ZNF318: variants seen among roughly 807,000 people sequenced by gnomAD.
The protein encoded by ZNF318 is endocrine regulator.
A neutral mutation model predicts 124.2 loss-of-function variants in ZNF318; 51 were observed. That is an observed-to-expected ratio of 0.41 (90% confidence interval 0.33 to 0.52). The LOEUF is 0.52. Ranked by LOEUF, ZNF318 falls within the 20% of genes least tolerant of loss-of-function variation. The pLI, the probability that ZNF318 is intolerant of heterozygous loss-of-function variation, is 0.23. For synonymous variants in ZNF318, 1,090 were observed against 1,040.7 expected (o/e 1.05, Z -0.91); for missense variants, 2,815 against 2,811.2 (o/e 1.00, Z -0.03).
At chr6:43,365,241 T>C (rs1779742995) in intron 2 of ZNF318, 51 bp downstream of exon 2, 2 of 1,565,372 alleles carry the variant, frequency 1.3e-6, no homozygotes, top group African/African-American at 2.7e-5. Context: ...AACAGCAACA[T>C]TTCTGCCTTC....
At position 43,338,651 on chromosome 6, in the gene ZNF318, C is replaced by G; in HGVS notation, c.5347G>C (p.Glu1783Gln). The G allele has an allele frequency of 6.2e-7, 1 of 1,614,160 alleles. No homozygotes were observed. The highest frequency in any genetic ancestry group is 8.5e-7 in the Non-Finnish European group (1 of 1,180,030). ...CCCTCAGACAGCTCCTTTACCCTTT[C>G]TTTTAGTTCAGTGTTTGTCTCTATC... ...SEIETNTELKERVKELSEGIV... is the reference protein window; with the variant it reads ...SEIETNTELKQRVKELSEGIV... The change falls in exon 10 of 10, where the codon GAA becomes CAA. Residue 1783 changes from glutamate to glutamine, a missense_variant. Glu to Gln is a conservative substitution (Grantham distance 29, BLOSUM62 2). Transcript: ENST00000361428.
Position 43,357,049 on chromosome 6 carries a change from T to C in ZNF318, c.1188+77A>G, listed in dbSNP as rs73440349. 1.4e-4 allele frequency: 210 copies of C among 1,475,392 alleles called. 2 individuals carry two copies. In the African/African-American group the frequency reaches 2.5e-3, roughly 17 times the overall value. The allele number at this position is 1,475,392 out of a possible 1,614,324, so 91.4% of individuals were successfully genotyped here. A position where few individuals can be genotyped will look rare whatever the true frequency, so the allele number is the denominator to read the frequency against. On this transcript the variant is annotated intron_variant, in intron 3 of 9. Transcript: ENST00000361428. ...TATTACAAAGATACCATTAGGAACA[T>C]AGCCCACAGGAAAGTAAGCAGGCTT... is the stretch of plus-strand genomic sequence containing the variant.
rs1779278938 is a variant in ZNF318 at position 43,336,319 on chromosome 6, AAAC to A, written c.*836_*838del. 6.5e-6 allele frequency: 1 copy of A among 152,760 alleles called. No homozygotes were observed. Among genetic ancestry groups the A allele is most frequent in the African/African-American group, 2.4e-5 (1 of 41,586 alleles). 9.5% of individuals were successfully genotyped at this position (152,760 alleles called of 1,614,324 possible). Reference sequence around the variant, plus strand: ...CCCCTTCACAACACAAATGGCTGCTAAACAATTTAATACAAAGTGTTATTGGAT... The same window carrying A: ...CCCCTTCACAACACAAATGGCTGCTAAATTTAATACAAAGTGTTATTGGAT... On this transcript the variant is annotated 3_prime_UTR_variant, in exon 10 of 10. Transcript: ENST00000361428.
intron 2 of ZNF318, chr6:43,363,867 C>A: frequency 1.3e-6 from 1 of 777,684 alleles, no homozygotes; most frequent in Non-Finnish European, 2.2e-6. Flanking sequence ...CCACTGCCAC[C>A]TGCGGGGCCA....
At chr6:43,342,616 G>T in intron 7 of ZNF318, 60 bp downstream of exon 7, 3 of 1,537,820 alleles carry the variant, frequency 2.0e-6, no homozygotes, top group Non-Finnish European at 1.8e-6. Context: ...GCAGATAGGG[G>T]TATAGAAGTT....
intron 2 of ZNF318, among the ~76,000 whole-genome samples, chr6:43,358,406 C>A (rs1365232576): frequency 4.4e-5 from 6 of 135,678 alleles, no homozygotes; most frequent in Admixed American, 3.2e-4. Flanking sequence ...AGCCATCACA[C>A]CCGGCTAATT....
intron 2 of ZNF318, among the ~76,000 whole-genome samples, chr6:43,362,361 G>A (rs1254599784): frequency 1.3e-5 from 2 of 151,808 alleles, no homozygotes; most frequent in African/African-American, 4.8e-5. Flanking sequence ...GCTGAGGCAG[G>A]AGAATTGCTA....
rs924855105 is a variant in ZNF318, at chr6:43,342,764, G to C, written c.3188C>G (p.Ala1063Gly). ...GCAGTCTTTGCACCAGTGATTGCCA[G>C]CATCATAATACTCATAAGCAGCAGT... is the stretch of plus-strand genomic sequence containing the variant. ...QPTAAYEYYD[A>G]GNHWCKDCNT... Residue 1063 changes from alanine to glycine, a missense_variant, in exon 7 of 10, where the codon GCT (alanine) becomes GGT (glycine). Ala to Gly is a moderately conservative substitution (Grantham distance 60, BLOSUM62 0). Transcript: ENST00000361428. The C allele has an allele frequency of 1.9e-6, 3 of 1,614,108 alleles. No homozygotes were observed. The African/African-American group carries it at 4.0e-5, about 22-fold the overall frequency.
chr6:43,365,786 A>G (rs1779752886), intron 1 of ZNF318, among the ~76,000 whole-genome samples: 1 of 152,220 alleles, frequency 6.6e-6, no homozygotes, highest in African/African-American at 2.4e-5. Flanking sequence ...TTGTCTCAAA[A>G]ACAAAAGACA....
rs1415827472 is a variant in ZNF318 at position 43,348,632 on chromosome 6, A to G, written c.2771-7T>C. The G allele has an allele frequency of 1.0e-5, 16 of 1,606,376 alleles. No individual in the cohort carries two copies. In the Admixed American group the frequency reaches 2.1e-4, roughly 21 times the overall value. On this transcript the variant is annotated splice_region_variant and splice_polypyrimidine_tract_variant and intron_variant, in intron 5 of 9. Transcript: ENST00000361428. ...TTCTTGCGCAGCATTTCTCCTGAGC[A>G]ATCAAATGTCAACAAAAAGAAGCAC...
At chr6:43,360,068 CAT>C (rs1401819289) in intron 2 of ZNF318, among the ~76,000 whole-genome samples, 1 of 152,052 alleles carries the variant, frequency 6.6e-6, no homozygotes, top group African/African-American at 2.4e-5. Flanking sequence ...GGAGAAAAAA[CAT>C]AGGCTCCATG....
At chr6:43,364,094 G>C in intron 2 of ZNF318, 1 of 1,156,330 alleles carries the variant, frequency 8.6e-7, no homozygotes, top group Non-Finnish European at 1.3e-6. Context: ...CTCAGCCAGG[G>C]GCTGCACTGC....
rs760912974 is a variant in ZNF318 at position 43,355,624 on chromosome 6, C to A, written c.1710G>T (p.Leu570=). Residue 570 remains leucine, a synonymous_variant, in exon 4 of 10, where the codon CTG becomes CTT. Transcript: ENST00000361428. ...SEVMRQKASS[L]PSSAPAVKLE... is the part of the protein sequence containing the mutation. Reference sequence around the variant, plus strand: ...GCTTTACAGCTGGAGCTGAAGACGGCAGGGAGCTTGCCTTCTGCCTCATAA... The same window carrying A: ...GCTTTACAGCTGGAGCTGAAGACGGAAGGGAGCTTGCCTTCTGCCTCATAA... The A allele has an allele frequency of 4.3e-6, 7 of 1,614,220 alleles. No individual in the cohort carries two copies. Among genetic ancestry groups the A allele is most frequent in the Non-Finnish European group, 5.9e-6 (7 of 1,180,038 alleles).
rs557312895 is a variant in ZNF318 at position 43,337,847 on chromosome 6, G to A, written c.6151C>T (p.Pro2051Ser). 2 of 1,614,078 alleles carry A rather than the reference G, an allele frequency of 1.2e-6. No homozygotes were observed. Among genetic ancestry groups the A allele is most frequent in the South Asian group, 1.1e-5 (1 of 91,086 alleles). Residue 2051 changes from proline to serine, a missense_variant, in exon 10 of 10, where the codon CCT (proline) becomes TCT (serine). Physicochemically the swap from Pro to Ser is moderately conservative, Grantham distance 74. This residue lies in a region of ZNF318 where 927 missense variants were observed against 820.6 expected (regional missense o/e 1.13). Transcript: ENST00000361428. ...GGATCGGAGGAATTACACCCTATAG[G>A]TGATACAGAATTTTCTTCACACACT... ...QKVCEENSVS[P>S]IGCNSSDPAD...
At position 43,339,617 on chromosome 6, in the gene ZNF318, G is replaced by T. The variant is rs772558865; in HGVS notation, c.4381C>A (p.Pro1461Thr). ...GCTTGAGCAGCAGACGGGGCAGCTGGATGAGGTATAACGGGGGGTGGTGGA... is the reference window on the plus strand; with the variant it reads ...GCTTGAGCAGCAGACGGGGCAGCTGTATGAGGTATAACGGGGGGTGGTGGA... ...PPPPPPVIPH[P>T]AAPSAAQANA... is the part of the protein sequence containing the mutation. The change falls in exon 10 of 10, where the codon CCA becomes ACA. Residue 1461 changes from proline (P) to threonine (T), a missense_variant. Pro to Thr is a conservative substitution (Grantham distance 38). Transcript: ENST00000361428. The surrounding 1 kb of genome is among the most constrained non-coding windows in gnomAD (Gnocchi z 4.2). The T allele has an allele frequency of 7.2e-7, 1 of 1,381,590 alleles. No individual in the cohort carries two copies. The highest frequency in any genetic ancestry group is 1.5e-5 in the African/African-American group (1 of 65,876). The allele number at this position is 1,381,590 out of a possible 1,614,324, so 85.6% of individuals were successfully genotyped here. A position where few individuals can be genotyped will look rare whatever the true frequency, so the allele number is the denominator to read the frequency against.
rs767801219 is a variant in ZNF318 at position 43,355,214 on chromosome 6, T to C, written c.2120A>G (p.Lys707Arg). ...AGACTTTAGGAATGGAGGGCTGTTT[T>C]TTGTGAGCAGGTAAGGATCCACAGG... ...PSPVDPYLLT[K>R]NSPPFLKSDH... The change falls in exon 4 of 10, where the codon AAA (lysine) becomes AGA (arginine). Residue 707 changes from lysine to arginine, a missense_variant. Transcript: ENST00000361428. 3 of 1,614,066 alleles carry C rather than the reference T, an allele frequency of 1.9e-6. No individual in the cohort carries two copies. Among genetic ancestry groups the C allele is most frequent in the Non-Finnish European group, 2.5e-6 (3 of 1,180,050 alleles).
chr6:43,354,430 T>TA (rs962003967), intron 4 of ZNF318, among the ~76,000 whole-genome samples: 37 of 152,296 alleles, frequency 2.4e-4, no homozygotes, highest in Non-Finnish European at 4.6e-4. Flanking sequence ...GAATTAAACT[T>TA]AAAAAAGGCT....
intron 4 of ZNF318, among the ~76,000 whole-genome samples, chr6:43,353,384 T>A (rs1779561039): frequency 6.6e-6 from 1 of 151,576 alleles, no homozygotes; most frequent in Admixed American, 6.6e-5. Flanking sequence ...AACTTTTTTT[T>A]TTTTTTTTGA....
intron 7 of ZNF318, 64 bp downstream of exon 7, chr6:43,342,612 A>AG: frequency 6.6e-7 from 1 of 1,516,874 alleles, no homozygotes; most frequent in South Asian, 1.1e-5. Flanking sequence ...CAATGCAGAT[A>AG]GGGGTATAGA....
Sources: allele counts gnomAD v4.1 joint callset (sites outside exome capture counted in the v4.1 genomes callset), GRCh38; gene constraint gnomAD v4.1.1; regional missense constraint gnomAD v4.1.1; non-coding constraint Gnocchi (gnomAD v3.1); transcripts MANE v1.5; gene names NCBI Gene and HGNC (gene_info 2026-07-23, HGNC 2026-07-21).